ZNFX1: variants seen among roughly 807,000 people sequenced by gnomAD.
ZNFX1 encodes NFX1-type zinc finger-containing protein 1.
Under a neutral mutation model 179.8 loss-of-function variants are expected in ZNFX1, and 78 were observed. The ratio of observed to expected loss-of-function variants is 0.43; its 90% CI spans 0.36 to 0.52. The LOEUF (loss-of-function observed/expected upper bound fraction) is 0.52, where lower values mean the gene tolerates loss of function less well. ZNFX1 is among the 20% of genes least tolerant of loss of function. The probability of loss-of-function intolerance (pLI) is 0.00; values close to 1 mark genes in which losing one functional copy is unlikely to be tolerated. For synonymous variants in ZNFX1, 848 were observed against 868.5 expected (o/e 0.98, Z 0.42); for missense variants, 1,927 against 2,386.6 (o/e 0.81, Z 4.01).
chr20:49,274,989 G>A (rs1428392759), intron 2 of ZNFX1, among the ~76,000 whole-genome samples: 3 of 151,434 alleles, frequency 2.0e-5, no homozygotes, highest in Non-Finnish European at 2.9e-5. Context: ...CGGGCGTGGT[G>A]GTGGGCACCT....
chr20:49,261,424 T>C (rs1981108060), intron 6 of ZNFX1, among the ~76,000 whole-genome samples: 1 of 152,080 alleles, frequency 6.6e-6, no homozygotes, highest in Non-Finnish European at 1.5e-5. Flanking sequence ...TGAATGGAGT[T>C]TGAGGGCATT....
At chr20:49,267,485 T>TTG (rs1555883666) in intron 3 of ZNFX1, among the ~76,000 whole-genome samples, 1 of 151,720 alleles carries the variant, frequency 6.6e-6, no homozygotes, top group Non-Finnish European at 1.5e-5. Flanking sequence ...AAGTTTTTTT[T>TTG]TTTTTTTTTT....
chr20:49,272,928 A>T (rs1360232256), intron 2 of ZNFX1, among the ~76,000 whole-genome samples: 1 of 152,144 alleles, frequency 6.6e-6, no homozygotes, highest in Non-Finnish European at 1.5e-5. Flanking sequence ...GCTAAAACTG[A>T]TTCTGGGGCT....
At chr20:49,272,813 T>C (rs901638554) in intron 2 of ZNFX1, among the ~76,000 whole-genome samples, 1 of 152,204 alleles carries the variant, frequency 6.6e-6, no homozygotes, top group African/African-American at 2.4e-5. Context: ...CAAGTTTTCC[T>C]CCTTTCTGTA....
rs757542012 is a variant in ZNFX1, at chr20:49,248,110, C to T, written c.4914G>A (p.Gln1638=). 4.5e-5 allele frequency: 72 copies of T among 1,614,080 alleles called. No individual in the cohort carries two copies. Among genetic ancestry groups the T allele is most frequent in the Middle Eastern group, 1.6e-4 (1 of 6,084 alleles). Reference sequence around the variant, plus strand: ...TGATGATTTCAATCTCTTCTAGCCGCTGTTTTATGCTAGTTCCATACCTCA... The same window carrying T: ...TGATGATTTCAATCTCTTCTAGCCGTTGTTTTATGCTAGTTCCATACCTCA... ...KNLRYGTSIK[Q]RLEEIEIIKE... Residue 1638 remains glutamine, a synonymous_variant, in exon 14 of 14, where the codon CAG becomes CAA. Coordinates refer to ENST00000396105, the MANE Select transcript of ZNFX1 (RefSeq NM_021035.3). This position sits in a 1 kb window ranked among gnomAD's most constrained non-coding sequence, Gnocchi z 4.6.
At chr20:49,272,903 T>C (rs1342386699) in intron 2 of ZNFX1, among the ~76,000 whole-genome samples, 1 of 152,196 alleles carries the variant, frequency 6.6e-6, no homozygotes, top group Non-Finnish European at 1.5e-5. Flanking sequence ...TCCAGTTTTT[T>C]TCACTTTCCT....
At chr20:49,267,649 C>T (rs1054589783) in intron 3 of ZNFX1, among the ~76,000 whole-genome samples, 2 of 151,816 alleles carry the variant, frequency 1.3e-5, no homozygotes, top group Admixed American at 6.6e-5. Context: ...TAGTTATGAC[C>T]CCAGAGTAGA....
rs539609379 is a variant in ZNFX1 at position 49,248,964 on chromosome 20, G to A, written c.4060C>T (p.Arg1354Trp). The change falls in exon 14 of 14, where the codon CGG becomes TGG. Residue 1354 changes from arginine to tryptophan, a missense_variant. Coordinates refer to ENST00000396105, the MANE Select transcript of ZNFX1 (RefSeq NM_021035.3). This position sits in a 1 kb window ranked among gnomAD's most constrained non-coding sequence, Gnocchi z 4.6. Reference sequence around the variant, plus strand: ...GGGACCATTTGTTCATGGCCGCACCGAGGAATGGTTTTGGGCACCTTCACC... The same window carrying A: ...GGGACCATTTGTTCATGGCCGCACCAAGGAATGGTTTTGGGCACCTTCACC... ...CQVKVPKTIP[R>W]CGHEQMVPCS... The A allele has an allele frequency of 1.9e-5, 30 of 1,614,246 alleles. No individual in the cohort carries two copies. The highest frequency in any genetic ancestry group is 1.7e-4 in the Middle Eastern group (1 of 6,058).
At chr20:49,264,404 A>C (rs1555883408) in intron 5 of ZNFX1, among the ~76,000 whole-genome samples, 1 of 152,100 alleles carries the variant, frequency 6.6e-6, no homozygotes, top group Non-Finnish European at 1.5e-5. Context: ...GACTGGGCAC[A>C]TTGCTGCCCA....
At chr20:49,277,240 TG>T (rs1336111009) in intron 1 of ZNFX1, among the ~76,000 whole-genome samples, 3 of 151,410 alleles carry the variant, frequency 2.0e-5, no homozygotes, top group Non-Finnish European at 4.4e-5. Context: ...GAGCTGGGTT[TG>T]GGGGAAGTCT....
At position 49,247,908 on chromosome 20, in the gene ZNFX1, T is replaced by G; in HGVS notation, c.5116A>C (p.Ile1706Leu). 1 of 1,614,168 alleles carries G rather than the reference T, an allele frequency of 6.2e-7. No homozygotes were observed. The highest frequency in any genetic ancestry group is 8.5e-7 in the Non-Finnish European group (1 of 1,180,012). ...VKDLGLVENY[I>L]SFYDHLASLW... ...CTGGCCAGGTGGTCATAGAAGCTGA[T>G]GTAATTCTCAACCAGACCCAGGTCC... The change falls in exon 14 of 14, where the codon ATC becomes CTC. Residue 1706 changes from isoleucine (I) to leucine (L), a missense_variant. Transcript: ENST00000396105.
chr20:49,266,692 T>C (rs796760417), intron 3 of ZNFX1, among the ~76,000 whole-genome samples: 4 of 116,746 alleles, frequency 3.4e-5, no homozygotes, highest in African/African-American at 1.3e-4. Context: ...TTTTTACAGC[T>C]GTTAAGGTAT....
Position 49,249,692 on chromosome 20 carries a change from A to T in ZNFX1, c.3332T>A (p.Phe1111Tyr). 6.2e-7 allele frequency: 1 copy of T among 1,612,438 alleles called. No individual in the cohort carries two copies. Reference sequence around the variant, plus strand: ...TTCAGGAAAGTTGTGTTCTACAAAGAAAAGGTTGGAAGACACCCCCTGACA... The same window carrying T: ...TTCAGGAAAGTTGTGTTCTACAAAGTAAAGGTTGGAAGACACCCCCTGACA... ...EKIKGVSSNL[F>Y]FVEHNFPEQE... Residue 1111 changes from phenylalanine (F) to tyrosine (Y), a missense_variant, in exon 14 of 14, where the codon TTC becomes TAC. Coordinates refer to ENST00000396105, the MANE Select transcript of ZNFX1 (RefSeq NM_021035.3).
chr20:49,275,078 G>A (rs370844648), intron 2 of ZNFX1, among the ~76,000 whole-genome samples: 4 of 151,570 alleles, frequency 2.6e-5, no homozygotes, highest in Non-Finnish European at 4.4e-5. Context: ...AGCAGAGATC[G>A]CGCCACTGCA....
chr20:49,272,665 A>C (rs1453569239), intron 2 of ZNFX1, among the ~76,000 whole-genome samples: 1 of 152,206 alleles, frequency 6.6e-6, no homozygotes, highest in Non-Finnish European at 1.5e-5. Flanking sequence ...CAAGTGAAAT[A>C]ATATTACAAA....
rs776489074 is a variant in ZNFX1 at position 49,264,736 on chromosome 20, G to C, written c.2131C>G (p.Leu711Val). ...REFRRNLPMHLRRAYMSIMTQ... is the reference protein window; with the variant it reads ...REFRRNLPMHVRRAYMSIMTQ... ...CTTACACTCATGTAGGCCCTTCGGA[G>C]GTGCATGGGGAGGTTGCGGCGGAAT... The change falls in exon 5 of 14, where the codon CTC becomes GTC. Residue 711 changes from leucine to valine, a missense_variant. Coordinates refer to ENST00000396105, the MANE Select transcript of ZNFX1 (RefSeq NM_021035.3). The C allele has an allele frequency of 1.9e-6, 3 of 1,613,976 alleles. No individual in the cohort carries two copies. Among genetic ancestry groups the C allele is most frequent in the Admixed American group, 3.3e-5 (2 of 59,992 alleles).
rs781164058 is a variant in ZNFX1 at position 49,270,990 on chromosome 20, T to C, written c.822A>G (p.Pro274=). 1.9e-6 allele frequency: 3 copies of C among 1,614,132 alleles called. No homozygotes were observed. The highest frequency in any genetic ancestry group is 2.5e-6 in the Non-Finnish European group (3 of 1,180,012). Residue 274 remains proline, a synonymous_variant, in exon 3 of 14, where the codon CCA becomes CCG. Transcript: ENST00000396105. The surrounding 1 kb of genome is among the most constrained non-coding windows in gnomAD (Gnocchi z 4.6). Reference sequence around the variant, plus strand: ...AGGCTCTCAGAGCATTAAGAGAGGTTGGCAGGAGGGAAACCAGCATGGAAG... The same window carrying C: ...AGGCTCTCAGAGCATTAAGAGAGGTCGGCAGGAGGGAAACCAGCATGGAAG... ...QETSMLVSLL[P]TSLNALRASG...
chr20:49,265,989 G>T, intron 4 of ZNFX1, 146 bp downstream of exon 4: 1 of 813,918 alleles, frequency 1.2e-6, no homozygotes, highest in Non-Finnish European at 1.9e-6. Flanking sequence ...GTGGTTCACA[G>T]TCCAGCTGGG....
rs1477853059 is a variant in ZNFX1 at position 49,247,759 on chromosome 20, G to A, written c.5265C>T (p.Asp1755=). ...RLSFTSQELS[D]LRSEIQRLTY... is the part of the protein sequence containing the mutation. ...TGAGCCTCTGGATTTCACTTCGGAG[G>A]TCACTTAGTTCCTGGCTAGTGAAGC... The change falls in exon 14 of 14, where the codon GAC becomes GAT. Residue 1755 remains aspartate, a synonymous_variant. Coordinates refer to ENST00000396105, the MANE Select transcript of ZNFX1 (RefSeq NM_021035.3). The A allele has an allele frequency of 6.2e-7, 1 of 1,614,082 alleles. No individual in the cohort carries two copies. The highest frequency in any genetic ancestry group is 8.5e-7 in the Non-Finnish European group (1 of 1,180,066).
Sources: gnomAD v4.1 joint callset for allele counts (sites outside exome capture counted in the v4.1 genomes callset) on GRCh38, gnomAD v4.1.1 for gene constraint, Gnocchi (gnomAD v3.1) non-coding constraint, MANE v1.5 for transcripts, NCBI Gene and HGNC (gene_info 2026-07-23, HGNC 2026-07-21) for gene names.